The following MAPK4 variants were observed in gnomAD, a reference collection of about 807,000 sequenced individuals.
MAPK4 encodes Erk3-related.
Under a neutral mutation model 47.7 loss-of-function variants are expected in MAPK4, and 22 were observed. The observed-to-expected ratio is 0.46, with a 90% confidence interval of 0.33 to 0.66. The LOEUF (loss-of-function observed/expected upper bound fraction) is 0.66. Ranked by LOEUF, MAPK4 falls within the 30% of genes least tolerant of loss-of-function variation. MAPK4 has a pLI of 0.02. For synonymous variants in MAPK4, 390 were observed against 365.7 expected (o/e 1.07, Z -0.76); for missense variants, 736 against 831.7 (o/e 0.88, Z 1.42).
At chr18:50,579,173 G>A (rs1315438194) in intron 1 of MAPK4, among the ~76,000 whole-genome samples, 1 of 152,154 alleles carries the variant, frequency 6.6e-6, no homozygotes, top group African/African-American at 2.4e-5. Context: ...TTGCCTGCAA[G>A]TTGGAAAATG....
At chr18:50,722,898 G>A (rs145624739) in intron 4 of MAPK4, among the ~76,000 whole-genome samples, 2 of 152,270 alleles carry the variant, frequency 1.3e-5, no homozygotes, top group African/African-American at 4.8e-5. Flanking sequence ...AACCCCTGGG[G>A]CTCTGAGCAG....
At chr18:50,704,158 C>G (rs2144393445) in intron 2 of MAPK4, among the ~76,000 whole-genome samples, 1 of 152,290 alleles carries the variant, frequency 6.6e-6, no homozygotes, top group South Asian at 2.1e-4. Context: ...TACCTGGAGA[C>G]TCCAAAATCT....
intron 5 of MAPK4, among the ~76,000 whole-genome samples, chr18:50,728,071 C>T (rs1440395510): frequency 6.6e-6 from 1 of 152,220 alleles, no homozygotes; most frequent in African/African-American, 2.4e-5. Context: ...TGTGCCTCTC[C>T]AGTCACACTC....
chr18:50,561,402 A>G (rs2042152058), intron 1 of MAPK4, among the ~76,000 whole-genome samples: 1 of 152,228 alleles, frequency 6.6e-6, no homozygotes, highest in Non-Finnish European at 1.5e-5. Context: ...AAGCAGGTAT[A>G]CTGCAGACTT....
At chr18:50,569,516 A>G (rs2149357741) in intron 1 of MAPK4, among the ~76,000 whole-genome samples, 1 of 152,318 alleles carries the variant, frequency 6.6e-6, no homozygotes, top group African/African-American at 2.4e-5. Context: ...AGACTAGTTT[A>G]CTTTTTGTTC....
intron 1 of MAPK4, among the ~76,000 whole-genome samples, chr18:50,580,787 C>G (rs118126597): frequency 0.013 from 1,986 of 152,260 alleles, 22 homozygotes; most frequent in Non-Finnish European, 0.023. Context: ...GTGTGAGTCT[C>G]GCCTCCTCCG....
At position 50,578,896 on chromosome 18, in the gene MAPK4, TG is replaced by T. The variant is rs1322073940; in HGVS notation, c.-871+18655del. 3.3e-5 allele frequency among the ~76,000 whole-genome samples: 5 copies of T among 152,250 alleles called. No individual in the cohort carries two copies. The East Asian group carries it at 9.7e-4, about 29-fold the overall frequency. On this transcript the variant is annotated intron_variant, in intron 1 of 5. Coordinates refer to ENST00000400384, the MANE Select transcript of MAPK4 (RefSeq NM_002747.4). Reference sequence around the variant, plus strand: ...AGCACGTGATGTCTGGGAGGAATCTTGGAAGATGACCTGGTGTTTGCTAGGG... The same window carrying T: ...AGCACGTGATGTCTGGGAGGAATCTTGAAGATGACCTGGTGTTTGCTAGGG...
chr18:50,617,243 CGGG>C (rs2042692655), intron 1 of MAPK4, among the ~76,000 whole-genome samples: 2 of 656 alleles, frequency 3.0e-3, no homozygotes, highest in African/African-American at 5.9e-3. Flanking sequence ...CAGAAGACAT[CGGG>C]ACATCGGGGT....
chr18:50,691,970 C>T (rs1433841930), intron 2 of MAPK4, among the ~76,000 whole-genome samples: 1 of 152,208 alleles, frequency 6.6e-6, no homozygotes, highest in Non-Finnish European at 1.5e-5. Context: ...CCCTCACACC[C>T]ACCTTCTTTC....
At chr18:50,632,377 T>C (rs2042838900) in intron 1 of MAPK4, among the ~76,000 whole-genome samples, 2 of 152,170 alleles carry the variant, frequency 1.3e-5, no homozygotes, top group Admixed American at 6.5e-5. Context: ...AGTTCTTTTG[T>C]GTTATGTCAG....
At chr18:50,560,905 G>A (rs73430627) in intron 1 of MAPK4, 1 of 152,230 alleles carries the variant, frequency 6.6e-6, no homozygotes, top group Non-Finnish European at 1.5e-5. Context: ...GCCTCCTCCC[G>A]GGTTGCTCTC....
At position 50,729,266 on chromosome 18, in the gene MAPK4, C is replaced by T; in HGVS notation, c.1176C>T (p.Asp392=). The change falls in exon 6 of 6, where the codon GAC becomes GAT. Residue 392 remains aspartate (D), a synonymous_variant. Coordinates refer to ENST00000400384, the MANE Select transcript of MAPK4 (RefSeq NM_002747.4). Reference sequence around the variant, plus strand: ...CGGGTTCGGCGCCACTGGCTGAGGACGTGCAGGTGGACCCGCGCAAGGACT... The same window carrying T: ...CGGGTTCGGCGCCACTGGCTGAGGATGTGCAGGTGGACCCGCGCAAGGACT... ...PRAGSAPLAE[D]VQVDPRKDSH... is the part of the protein sequence containing the mutation. 2 of 1,609,726 alleles carry T rather than the reference C, an allele frequency of 1.2e-6. No individual in the cohort carries two copies. The highest frequency in any genetic ancestry group is 1.7e-6 in the Non-Finnish European group (2 of 1,177,826).
At chr18:50,601,391 C>G (rs2042540048) in intron 1 of MAPK4, among the ~76,000 whole-genome samples, 1 of 149,912 alleles carries the variant, frequency 6.7e-6, no homozygotes, top group South Asian at 2.1e-4. Flanking sequence ...CTGTTTTGTC[C>G]TAGTGTGAAA....
chr18:50,631,079 C>G (rs1403276482), intron 1 of MAPK4, among the ~76,000 whole-genome samples: 1 of 152,228 alleles, frequency 6.6e-6, no homozygotes, highest in Admixed American at 6.5e-5. Flanking sequence ...TTTGACTCGC[C>G]TGACATGCAC....
intron 3 of MAPK4, among the ~76,000 whole-genome samples, chr18:50,719,221 A>C (rs1035826668): frequency 3.3e-5 from 5 of 152,098 alleles, no homozygotes; most frequent in African/African-American, 1.2e-4. Flanking sequence ...GAGCCCCTAC[A>C]GTTTTCCCTC....
chr18:50,668,461 G>A (rs1156308287), intron 2 of MAPK4, among the ~76,000 whole-genome samples: 1 of 152,200 alleles, frequency 6.6e-6, no homozygotes, highest in Non-Finnish European at 1.5e-5. Context: ...TGAGCAACTG[G>A]CCACGTCGAG....
intron 2 of MAPK4, among the ~76,000 whole-genome samples, chr18:50,694,262 T>C (rs554415967): frequency 1.3e-5 from 2 of 152,078 alleles, no homozygotes; most frequent in Non-Finnish European, 2.9e-5. Flanking sequence ...CCTAGATGAC[T>C]CTCAGCCTCC....
chr18:50,607,318 C>T (rs868420560), intron 1 of MAPK4, among the ~76,000 whole-genome samples: 5 of 152,148 alleles, frequency 3.3e-5, no homozygotes, highest in Admixed American at 2.0e-4. Context: ...AACTTGCTTA[C>T]GATCTCACAA....
intron 2 of MAPK4, among the ~76,000 whole-genome samples, chr18:50,697,755 A>G (rs1409875644): frequency 6.6e-6 from 1 of 152,232 alleles, no homozygotes; most frequent in Non-Finnish European, 1.5e-5. Context: ...GCCTACCAGT[A>G]CAGAGCCATG....
Sources: gnomAD v4.1 joint callset for allele counts (sites outside exome capture counted in the v4.1 genomes callset) on GRCh38, gnomAD v4.1.1 for gene constraint, MANE v1.5 for transcripts, NCBI Gene and HGNC (gene_info 2026-07-23, HGNC 2026-07-21) for gene names.